Variants in SNX25 observed in about 807,000 individuals in gnomAD.
The protein encoded by SNX25 is sorting nexin 25, also known as sorting nexin-25.
In SNX25, 62 loss-of-function variants were observed where a neutral mutation model predicts 113.7. That is an observed-to-expected ratio of 0.55 (90% CI 0.44 to 0.67). The LOEUF (loss-of-function observed/expected upper bound fraction) is 0.67. Ranked by LOEUF, SNX25 falls within the 30% of genes least tolerant of loss-of-function variation. SNX25 has a pLI of 0.00. For missense variants in SNX25, 1,014 were observed against 1,161.0 expected (o/e 0.87, Z 1.84); for synonymous variants, 421 against 436.2 (o/e 0.97, Z 0.43).
At chr4:185,259,745 C>T (rs1747012565) in intron 3 of SNX25, among the ~76,000 whole-genome samples, 1 of 152,138 alleles carries the variant, frequency 6.6e-6, no homozygotes, top group African/African-American at 2.4e-5. Context: ...TAGCCTTCTG[C>T]CTGTGTGGAT....
At chr4:185,312,525 CTTTTT>C (rs35806929) in intron 7 of SNX25, among the ~76,000 whole-genome samples, 2 of 139,946 alleles carry the variant, frequency 1.4e-5, no homozygotes, top group Admixed American at 7.2e-5. Flanking sequence ...TTGATTTGTT[CTTTTT>C]TTTTTTTTTT....
chr4:185,283,761 G>A (rs894410773), intron 5 of SNX25, among the ~76,000 whole-genome samples: 1 of 152,034 alleles, frequency 6.6e-6, no homozygotes, highest in Non-Finnish European at 1.5e-5. Flanking sequence ...TCTGTAATGT[G>A]GACATAATTC....
intron 11 of SNX25, among the ~76,000 whole-genome samples, chr4:185,340,179 C>G (rs973159856): frequency 1.3e-5 from 2 of 152,122 alleles, no homozygotes; most frequent in African/African-American, 4.8e-5. Context: ...ATATCAAGGT[C>G]CTGAGCAAGA....
intron 6 of SNX25, among the ~76,000 whole-genome samples, chr4:185,298,809 C>G (rs1345767448): frequency 1.3e-5 from 2 of 152,178 alleles, no homozygotes; most frequent in African/African-American, 4.8e-5. Flanking sequence ...TCTACTGTCT[C>G]TTTCTTCATT....
At chr4:185,290,968 A>AC (rs1346635380) in intron 6 of SNX25, among the ~76,000 whole-genome samples, 1 of 152,208 alleles carries the variant, frequency 6.6e-6, no homozygotes, top group African/African-American at 2.4e-5. Flanking sequence ...TACAGAAAGA[A>AC]CAATGGTTAG....
chr4:185,354,114 C>G (rs549213067), intron 15 of SNX25, among the ~76,000 whole-genome samples: 2 of 151,988 alleles, frequency 1.3e-5, no homozygotes, highest in Non-Finnish European at 2.9e-5. Context: ...TCATCTCTGT[C>G]CTAACGTAAC....
intron 6 of SNX25, among the ~76,000 whole-genome samples, chr4:185,302,671 C>T (rs899714405): frequency 9.9e-5 from 15 of 152,262 alleles, no homozygotes; most frequent in Non-Finnish European, 4.4e-5. Flanking sequence ...CCGACTCTGC[C>T]AGCACCTTGC....
intron 1 of SNX25, among the ~76,000 whole-genome samples, chr4:185,243,659 C>G (rs540865274): frequency 6.6e-6 from 1 of 152,088 alleles, no homozygotes; most frequent in Admixed American, 6.6e-5. Flanking sequence ...ACTCACCATT[C>G]TCCCCTTCCC....
At position 185,363,702 on chromosome 4, in the gene SNX25, G is replaced by A. The variant is rs547226314; in HGVS notation, c.*237G>A. 9.2e-4 allele frequency: 331 copies of A among 359,472 alleles called. 2 individuals carry two copies. The highest frequency in any genetic ancestry group is 6.0e-3 in the African/African-American group (295 of 48,828). 22.3% of individuals were successfully genotyped at this position (359,472 alleles called of 1,614,324 possible). On this transcript the variant is annotated 3_prime_UTR_variant, in exon 19 of 19. Transcript: ENST00000652585. The surrounding 1 kb of genome is among the most constrained non-coding windows in gnomAD (Gnocchi z 4.2). ...TGAATACTTTAAAGATCAACATACC[G>A]ATTGAAATACAAATGTTAATATGTG...
upstream of SNX25, among the ~76,000 whole-genome samples, chr4:185,207,464 C>T (rs1737236630): frequency 1.3e-5 from 2 of 152,082 alleles, no homozygotes; most frequent in South Asian, 2.1e-4. Context: ...GTAATCCAGC[C>T]ACCTCGGCTT....
chr4:185,285,946 T>A (rs574456553), intron 5 of SNX25, among the ~76,000 whole-genome samples: 6 of 151,328 alleles, frequency 4.0e-5, no homozygotes, highest in South Asian at 4.2e-4. Context: ...CTAATTTTTT[T>A]TTTTTATTTT....
At chr4:185,244,116 C>A (rs1744488723) in intron 1 of SNX25, among the ~76,000 whole-genome samples, 1 of 152,122 alleles carries the variant, frequency 6.6e-6, no homozygotes. Context: ...TCCTTCCTCA[C>A]CCTCCTGAGT....
chr4:185,276,168 G>GAATTTATTA (rs1749647416), intron 5 of SNX25, among the ~76,000 whole-genome samples: 1 of 152,198 alleles, frequency 6.6e-6, no homozygotes. Context: ...TTATGTTCTT[G>GAATTTATTA]TAGTTGGAGC....
chr4:185,299,368 C>A (rs1461814355), intron 6 of SNX25, among the ~76,000 whole-genome samples: 1 of 152,188 alleles, frequency 6.6e-6, no homozygotes, highest in Non-Finnish European at 1.5e-5. Flanking sequence ...AAAGCCTGGA[C>A]GTAATGCTGT....
rs529659298 is a variant in SNX25 at position 185,226,641 on chromosome 4, A to G, written c.429+16386A>G. On this transcript the variant is annotated intron_variant, in intron 1 of 18. Transcript: ENST00000652585. Reference sequence around the variant, plus strand: ...AATTTTTAAACTTTTTGTAGAGACAAGGTCTCACTATGTTGCCCGGGCTGG... The same window carrying G: ...AATTTTTAAACTTTTTGTAGAGACAGGGTCTCACTATGTTGCCCGGGCTGG... Among the ~76,000 whole-genome samples, 161 of 152,216 alleles carry G rather than the reference A, an allele frequency of 1.1e-3. 2 individuals carry two copies. The highest frequency in any genetic ancestry group is 0.01 in the Middle Eastern group (3 of 294).
chr4:185,219,295 C>T (rs1739406459), intron 1 of SNX25, among the ~76,000 whole-genome samples: 1 of 152,134 alleles, frequency 6.6e-6, no homozygotes, highest in Non-Finnish European at 1.5e-5. Flanking sequence ...TGCAGTGGCT[C>T]ACACCTGTAA....
intron 1 of SNX25, among the ~76,000 whole-genome samples, chr4:185,245,399 G>A (rs1183656290): frequency 6.6e-6 from 1 of 151,462 alleles, no homozygotes; most frequent in Non-Finnish European, 1.5e-5. Context: ...GTGCAGTGGC[G>A]AGATCTCAAC....
intron 2 of SNX25, among the ~76,000 whole-genome samples, chr4:185,250,830 C>T (rs1454755873): frequency 6.6e-6 from 1 of 151,026 alleles, no homozygotes; most frequent in Admixed American, 6.6e-5. Context: ...TTCCAGATTT[C>T]CAAATTATTT....
chr4:185,235,471 G>A (rs1413306004), intron 1 of SNX25, among the ~76,000 whole-genome samples: 1 of 152,216 alleles, frequency 6.6e-6, no homozygotes, highest in African/African-American at 2.4e-5. Context: ...TGGCCAAAGA[G>A]GCTGAAAAGG....
Sources: gnomAD v4.1 joint callset for allele counts (sites outside exome capture counted in the v4.1 genomes callset) on GRCh38, gnomAD v4.1.1 for gene constraint, Gnocchi (gnomAD v3.1) non-coding constraint, MANE v1.5 for transcripts, NCBI Gene and HGNC (gene_info 2026-07-23, HGNC 2026-07-21) for gene names.